The following SLC30A7 variants were observed in gnomAD, a reference collection of about 807,000 sequenced individuals.
The protein encoded by SLC30A7 is zinc transporter 7.
A neutral mutation model predicts 46.0 loss-of-function variants in SLC30A7; 35 were observed. The observed-to-expected ratio is 0.76, with a 90% CI of 0.58 to 1.01. The LOEUF (loss-of-function observed/expected upper bound fraction) is 1.01, where lower values mean the gene tolerates loss of function less well. Ranked by LOEUF, SLC30A7 falls within the 50% of genes least tolerant of loss-of-function variation. SLC30A7 has a pLI of 0.00. For synonymous variants in SLC30A7, 147 were observed against 157.8 expected (o/e 0.93, Z 0.51); for missense variants, 464 against 451.1 (o/e 1.03, Z -0.26).
At chr1:100,974,080 G>T (rs1324901) in intron 10 of SLC30A7, among the ~76,000 whole-genome samples, 1 of 152,156 alleles carries the variant, frequency 6.6e-6, no homozygotes, top group Non-Finnish European at 1.5e-5. Flanking sequence ...GTTAAGTAAA[G>T]ATTTTTGTTG....
chr1:100,932,540 G>C (rs1410763712), intron 8 of SLC30A7, among the ~76,000 whole-genome samples: 1 of 152,114 alleles, frequency 6.6e-6, no homozygotes, highest in East Asian at 1.9e-4. Context: ...ATATACGTTA[G>C]TAATTTAAAA....
At chr1:100,908,204 C>G (rs1470679530) in intron 3 of SLC30A7, among the ~76,000 whole-genome samples, 1 of 152,010 alleles carries the variant, frequency 6.6e-6, no homozygotes, top group Non-Finnish European at 1.5e-5. Flanking sequence ...GTCTTTTACT[C>G]TCTGTCCTTA....
intron 2 of SLC30A7, among the ~76,000 whole-genome samples, chr1:100,899,098 G>C (rs545903367): frequency 6.6e-6 from 1 of 152,262 alleles, no homozygotes; most frequent in East Asian, 1.9e-4. Flanking sequence ...CTCTTCAGTG[G>C]AACAATAGGT....
intron 6 of SLC30A7, among the ~76,000 whole-genome samples, chr1:100,916,704 C>CTTTTTTTTTTTTTTT: frequency 1.1e-5 from 1 of 92,334 alleles, no homozygotes; most frequent in South Asian, 3.8e-4. Flanking sequence ...TTCATTCATT[C>CTTTTTTTTTTTTTTT]TTTTTTTTTT....
At chr1:100,899,729 A>G (rs1358781749) in intron 2 of SLC30A7, among the ~76,000 whole-genome samples, 1 of 152,094 alleles carries the variant, frequency 6.6e-6, no homozygotes, top group Non-Finnish European at 1.5e-5. Flanking sequence ...ACAAGATAAA[A>G]CTTCATTTCC....
At chr1:100,944,769 G>T (rs1007803181) in intron 8 of SLC30A7, among the ~76,000 whole-genome samples, 1 of 151,390 alleles carries the variant, frequency 6.6e-6, no homozygotes, top group African/African-American at 2.4e-5. Flanking sequence ...ATAAACATAC[G>T]TGTGCATGTG....
intron 8 of SLC30A7, chr1:100,941,070 T>C: frequency 3.1e-6 from 1 of 321,066 alleles, no homozygotes; most frequent in South Asian, 3.3e-5. Context: ...CACAGCCACC[T>C]TGGTTTCATA....
At chr1:100,918,160 T>C in intron 7 of SLC30A7, 33 bp downstream of exon 7, 1 of 1,558,978 alleles carries the variant, frequency 6.4e-7, no homozygotes, top group Non-Finnish European at 8.8e-7. Context: ...TTCTTAGTTT[T>C]TTGAAACTGC....
chr1:100,969,935 G>A (rs1570596811), intron 10 of SLC30A7, among the ~76,000 whole-genome samples: 2 of 151,928 alleles, frequency 1.3e-5, no homozygotes, highest in African/African-American at 4.8e-5. Flanking sequence ...GTAATGCATG[G>A]TCCTTATGCA....
downstream of SLC30A7, among the ~76,000 whole-genome samples, chr1:100,982,483 A>T (rs373043355): frequency 1.1e-4 from 17 of 152,366 alleles, no homozygotes; most frequent in East Asian, 2.7e-3. Context: ...TTCCCATTCA[A>T]TTCTCAACTA....
Position 100,976,322 on chromosome 1 carries a change from T to C in SLC30A7, c.*1465T>C, listed in dbSNP as rs1304726786. ...TTTTCCTGTTTAGGCTTTGCACAAA[T>C]ACAATTGCTTTCAGGAATCCTAAAG... On this transcript the variant is annotated 3_prime_UTR_variant, in exon 11 of 11. Transcript: ENST00000357650. The C allele has an allele frequency of 6.6e-6, 1 of 152,254 alleles. No individual in the cohort carries two copies. The highest frequency in any genetic ancestry group is 1.9e-4 in the East Asian group (1 of 5,198). The allele number at this position is 152,254 out of a possible 1,614,324, so 9.4% of individuals were successfully genotyped here.
At position 100,917,268 on chromosome 1, in the gene SLC30A7, C is replaced by T. The variant is rs192260521; in HGVS notation, c.656-809C>T. Among the ~76,000 whole-genome samples the T allele has an allele frequency of 1.1e-3, 174 of 152,274 alleles. 1 individual carries two copies. The highest frequency in any genetic ancestry group is 4.1e-3 in the African/African-American group (170 of 41,580). ...ACTTCTTCATTCCCATACAGCAGTA[C>T]AATATCTAGATAGGAAATATTATAT... On this transcript the variant is annotated intron_variant, in intron 6 of 10. Coordinates refer to ENST00000357650, the MANE Select transcript of SLC30A7 (RefSeq NM_133496.5).
rs1655824596 is a variant in SLC30A7 at position 100,965,785 on chromosome 1, G to A, written c.950G>A (p.Gly317Glu). ...QCYQRVQQLQ[G>E]VYSLQEQHFW... ...ATATTTCAGGTACAGCAGTTGCAAGGAGTTTACAGTTTACAGGAACAGCAC... is the reference window on the plus strand; with the variant it reads ...ATATTTCAGGTACAGCAGTTGCAAGAAGTTTACAGTTTACAGGAACAGCAC... The change falls in exon 10 of 11, where the codon GGA (glycine) becomes GAA (glutamate). Residue 317 changes from glycine to glutamate, a missense_variant. Transcript: ENST00000357650. The A allele has an allele frequency of 6.2e-7, 1 of 1,613,768 alleles. No homozygotes were observed. The highest frequency in any genetic ancestry group is 8.5e-7 in the Non-Finnish European group (1 of 1,179,760).
At chr1:100,994,823 G>A in the SLC30A7 span, among the ~76,000 whole-genome samples, 8 of 152,152 alleles carry the variant, frequency 5.3e-5, no homozygotes, top group South Asian at 8.3e-4. Context: ...AACCGCACCC[G>A]GCCTCACACC....
rs988171479 is a variant in SLC30A7 at position 100,976,183 on chromosome 1, C to A, written c.*1326C>A. 1 of 152,218 alleles carries A rather than the reference C, an allele frequency of 6.6e-6. No homozygotes were observed. Among genetic ancestry groups the A allele is most frequent in the East Asian group, 1.9e-4 (1 of 5,184 alleles). 9.4% of individuals were successfully genotyped at this position (152,218 alleles called of 1,614,324 possible). On this transcript the variant is annotated 3_prime_UTR_variant, in exon 11 of 11. Transcript: ENST00000357650. Reference sequence around the variant, plus strand: ...ATAAACTTTCCTATATCTTTCCTTGCCATTTCTATGGATTTTATAATGAAA... The same window carrying A: ...ATAAACTTTCCTATATCTTTCCTTGACATTTCTATGGATTTTATAATGAAA...
rs1373676279 is a variant in SLC30A7, at chr1:100,947,795, A to T, written c.843-14033A>T. On this transcript the variant is annotated intron_variant, in intron 8 of 10. Coordinates refer to ENST00000357650, the MANE Select transcript of SLC30A7 (RefSeq NM_133496.5). ...TTGTTGAATTGATCCCTTTACCATT[A>T]TGTAATGGCCTTCTTTTGTCTCTTT... is the stretch of plus-strand genomic sequence containing the variant. 2.6e-5 allele frequency among the ~76,000 whole-genome samples: 4 copies of T among 152,146 alleles called. No homozygotes were observed. The East Asian group carries it at 7.7e-4, about 29-fold the overall frequency.
chr1:100,926,875 A>T (rs182406212), intron 8 of SLC30A7, among the ~76,000 whole-genome samples: 14 of 152,340 alleles, frequency 9.2e-5, no homozygotes, highest in Non-Finnish European at 1.8e-4. Context: ...GCCATAGAGT[A>T]GGCTAAGATG....
intron 2 of SLC30A7, among the ~76,000 whole-genome samples, chr1:100,906,330 C>A (rs1326871965): frequency 6.6e-6 from 1 of 151,996 alleles, no homozygotes; most frequent in African/African-American, 2.4e-5. Context: ...TTGTTGTATC[C>A]CTAGTCAGGC....
chr1:100,898,423 C>G (rs1651107837), intron 2 of SLC30A7, among the ~76,000 whole-genome samples: 1 of 152,116 alleles, frequency 6.6e-6, no homozygotes, highest in Admixed American at 6.5e-5. Flanking sequence ...TGTTCTTTTA[C>G]CCTTAGGGGA....
Sources: allele counts gnomAD v4.1 joint callset (sites outside exome capture counted in the v4.1 genomes callset), GRCh38; gene constraint gnomAD v4.1.1; transcripts MANE v1.5; gene names NCBI Gene and HGNC (gene_info 2026-07-23, HGNC 2026-07-21).